HDAC8: variants seen among roughly 807,000 people sequenced by gnomAD.
HDAC8 encodes the protein histone deacetylase 8, also known as histone deacetylase-like 1.
A neutral mutation model predicts 32.2 loss-of-function variants in HDAC8; 1 was observed. That is an observed-to-expected ratio of 0.03 (90% CI 0.01 to 0.15). HDAC8 has a LOEUF of 0.15. HDAC8 is among the 10% of genes least tolerant of loss of function. The pLI is 1.00. For synonymous variants in HDAC8, 108 were observed against 113.9 expected, an observed-to-expected ratio of 0.95 and a Z score of 0.33; for missense variants, 117 against 300.0, an observed-to-expected ratio of 0.39 and a Z score of 4.51.
intron 4 of HDAC8, among the ~76,000 whole-genome samples, chrX:72,538,494 T>C (rs947471052): frequency 2.7e-5 from 3 of 111,766 alleles, no homozygotes; most frequent in Non-Finnish European, 5.6e-5. Flanking sequence ...CCTTGGTTCT[T>C]ATATTTAAAC....
intron 4 of HDAC8, among the ~76,000 whole-genome samples, chrX:72,512,800 T>C (rs2049634903): frequency 9.0e-6 from 1 of 111,018 alleles, no homozygotes; most frequent in African/African-American, 3.3e-5. Flanking sequence ...ACTACCCTGC[T>C]TGAAAGCCTC....
intron 10 of HDAC8, among the ~76,000 whole-genome samples, chrX:72,342,331 G>C (rs1326096749): frequency 8.9e-6 from 1 of 112,489 alleles, no homozygotes; most frequent in East Asian, 2.8e-4. Flanking sequence ...GAACTCTGTG[G>C]TGAGAATCCT....
chrX:72,475,507 C>G (rs1338759334), intron 7 of HDAC8, among the ~76,000 whole-genome samples: 1 of 111,506 alleles, frequency 9.0e-6, no homozygotes, highest in Non-Finnish European at 1.9e-5. Flanking sequence ...CTGACTCATT[C>G]TGCAACAACT....
intron 7 of HDAC8, among the ~76,000 whole-genome samples, chrX:72,483,555 C>A (rs1556004220): frequency 1.8e-5 from 2 of 111,206 alleles, no homozygotes; most frequent in Admixed American, 9.6e-5. Context: ...GAACTGTGAG[C>A]CAAATTAACC....
In HDAC8 at chrX:72,349,302, C is replaced by T. The variant is rs140250940; in HGVS notation, c.1111+2431G>A. On this transcript the variant is annotated intron_variant, in intron 10 of 10. Coordinates refer to ENST00000373573, the MANE Select transcript of HDAC8 (RefSeq NM_018486.3). ...CCCCAGCCTGACTGACCTCCAGGAA[C>T]ATGCTCCTATTTGTCTAGAGCCCTT... is the stretch of plus-strand genomic sequence containing the variant. 1.5e-3 allele frequency among the ~76,000 whole-genome samples: 172 copies of T among 112,394 alleles called. 1 individual carries two copies. The highest frequency in any genetic ancestry group is 2.6e-3 in the Non-Finnish European group (141 of 53,247).
At chrX:72,337,210 G>A (rs1439418950) in intron 10 of HDAC8, among the ~76,000 whole-genome samples, 1 of 112,482 alleles carries the variant, frequency 8.9e-6, no homozygotes, top group Non-Finnish European at 1.9e-5. Flanking sequence ...ATGTGGAGCA[G>A]TGCGGTCCAA....
rs782020787 is a variant in HDAC8 at position 72,490,911 on chromosome X, G to A, written c.628+18C>T. ...GTATTTAGTCATCAAATGTAATACTGAGTTTATGATCACTTGCCTGGGAAA... is the reference window on the plus strand; with the variant it reads ...GTATTTAGTCATCAAATGTAATACTAAGTTTATGATCACTTGCCTGGGAAA... On this transcript the variant is annotated intron_variant, in intron 6 of 10. Coordinates refer to ENST00000373573, the MANE Select transcript of HDAC8 (RefSeq NM_018486.3). 1 of 1,127,159 alleles carries A rather than the reference G, an allele frequency of 8.9e-7. No homozygotes were observed. Among genetic ancestry groups the A allele is most frequent in the Non-Finnish European group, 1.2e-6 (1 of 819,126 alleles). The allele number at this position is 1,127,159 out of a possible 1,213,427, so 92.9% of individuals were successfully genotyped here. A position where few individuals can be genotyped will look rare whatever the true frequency, so the allele number is the denominator to read the frequency against.
intron 10 of HDAC8, among the ~76,000 whole-genome samples, chrX:72,338,640 G>GATATATATATAT (rs10632029): frequency 3.3e-5 from 3 of 91,736 alleles, no homozygotes; most frequent in African/African-American, 1.2e-4. Flanking sequence ...TAGTCACCTT[G>GATATATATATAT]ATATATATAT....
chrX:72,440,701 C>A (rs2047106986), intron 9 of HDAC8, among the ~76,000 whole-genome samples: 1 of 112,038 alleles, frequency 8.9e-6, no homozygotes, highest in Non-Finnish European at 1.9e-5. Context: ...GGGTGAAGCA[C>A]ACTGTGCGTG....
At chrX:72,467,402 TAA>T (rs1379607071) in intron 7 of HDAC8, 1 of 111,624 alleles carries the variant, frequency 9.0e-6, no homozygotes, top group East Asian at 2.8e-4. Flanking sequence ...TATTGTGCAA[TAA>T]AAGTTTTTTT....
At chrX:72,547,554 T>G (rs2147482977) in intron 4 of HDAC8, among the ~76,000 whole-genome samples, 1 of 110,448 alleles carries the variant, frequency 9.1e-6, no homozygotes, top group Admixed American at 9.7e-5. Flanking sequence ...GGATATCAAA[T>G]TTCCCTATAT....
At chrX:72,566,871 C>T (rs868974403) in intron 4 of HDAC8, among the ~76,000 whole-genome samples, 9 of 112,063 alleles carry the variant, frequency 8.0e-5, no homozygotes, top group Admixed American at 2.8e-4. Context: ...GGTGGCCAGG[C>T]GCGGTGGCTC....
At chrX:72,421,520 T>C (rs1555973608) in intron 9 of HDAC8, among the ~76,000 whole-genome samples, 2 of 112,627 alleles carry the variant, frequency 1.8e-5, no homozygotes. Flanking sequence ...TCTACCCATG[T>C]ACCAACTTTA....
Position 72,462,116 on chromosome X carries a change from T to C in HDAC8, c.911-18A>G. The stretch of plus-strand genomic sequence containing the variant: ...ATAGCCTCCTGTCTCCATCAAGAAT[T>C]GTGAAGTTAGGAAAGAATAGTCATA... On this transcript the variant is annotated intron_variant, in intron 8 of 10. Coordinates refer to ENST00000373573, the MANE Select transcript of HDAC8 (RefSeq NM_018486.3). 2 of 1,140,026 alleles carry C rather than the reference T, an allele frequency of 1.8e-6. No homozygotes were observed. The allele number at this position is 1,140,026 out of a possible 1,213,427, so 94.0% of individuals were successfully genotyped here.
At chrX:72,449,516 G>A (rs1555986613) in intron 9 of HDAC8, among the ~76,000 whole-genome samples, 1 of 110,143 alleles carries the variant, frequency 9.1e-6, no homozygotes, top group African/African-American at 3.3e-5. Flanking sequence ...CATGGCACGT[G>A]TACACCTATG....
chrX:72,397,835 T>C (rs2045802246), intron 9 of HDAC8, among the ~76,000 whole-genome samples: 1 of 112,474 alleles, frequency 8.9e-6, no homozygotes, highest in Non-Finnish European at 1.9e-5. Flanking sequence ...TCATTCATTT[T>C]AATTGTTTCA....
At chrX:72,363,716 C>T (rs1049416156) in intron 9 of HDAC8, among the ~76,000 whole-genome samples, 2 of 111,190 alleles carry the variant, frequency 1.8e-5, no homozygotes, top group East Asian at 2.8e-4. Context: ...GGATTACAGG[C>T]GTGGACCACC....
chrX:72,482,353 T>C (rs1556003550), intron 7 of HDAC8, among the ~76,000 whole-genome samples: 1 of 112,339 alleles, frequency 8.9e-6, no homozygotes, highest in East Asian at 2.8e-4. Context: ...ATTTTCTCCA[T>C]TGAAAATGAA....
chrX:72,548,527 A>G (rs1180324652), intron 4 of HDAC8, among the ~76,000 whole-genome samples: 1 of 111,481 alleles, frequency 9.0e-6, no homozygotes, highest in African/African-American at 3.3e-5. Context: ...CTACTTTTAA[A>G]AATGTTGTTC....
Sources: allele counts gnomAD v4.1 joint callset (sites outside exome capture counted in the v4.1 genomes callset), GRCh38; gene constraint gnomAD v4.1.1; transcripts MANE v1.5; gene names NCBI Gene and HGNC (gene_info 2026-07-23, HGNC 2026-07-21).